The following HPSE2 variants were observed in gnomAD, a reference collection of about 807,000 sequenced individuals.
HPSE2 encodes the protein inactive heparanase-2.
A neutral mutation model predicts 60.5 loss-of-function variants in HPSE2; 38 were observed. The observed-to-expected ratio is 0.63, with a 90% CI of 0.48 to 0.82. The LOEUF (loss-of-function observed/expected upper bound fraction) is 0.82, where lower values mean the gene tolerates loss of function less well. Among genes scored for constraint, HPSE2 ranks in the 40% least tolerant of loss-of-function variants. The pLI, the probability that HPSE2 is intolerant of heterozygous loss-of-function variation, is 0.00. For synonymous variants in HPSE2, 295 were observed against 293.2 expected, an observed-to-expected ratio of 1.01 and a Z score of -0.06; for missense variants, 713 against 740.4, an observed-to-expected ratio of 0.96 and a Z score of 0.43.
rs1950931434 is a variant in HPSE2 at position 98,802,353 on chromosome 10, G to A, written c.611-58297C>T. Among the ~76,000 whole-genome samples the A allele has an allele frequency of 2.0e-5, 3 of 150,240 alleles. No individual in the cohort carries two copies. The South Asian group carries it at 6.3e-4, about 32-fold the overall frequency. On this transcript the variant is annotated intron_variant, in intron 3 of 11. Coordinates refer to ENST00000370552, the MANE Select transcript of HPSE2 (RefSeq NM_021828.5). ...TTATTATTGTACTTTAAGTTTTAGG[G>A]TACATGTGCACAATGTGCAGGTTAG...
At chr10:98,499,045 A>G (rs1247737346) in intron 9 of HPSE2, among the ~76,000 whole-genome samples, 2 of 152,240 alleles carry the variant, frequency 1.3e-5, no homozygotes, top group African/African-American at 4.8e-5. Context: ...TTCCTGAGGA[A>G]GAAGAGAAAT....
At chr10:98,692,768 C>CAAA (rs34656111) in intron 6 of HPSE2, among the ~76,000 whole-genome samples, 2 of 150,962 alleles carry the variant, frequency 1.3e-5, no homozygotes, top group Middle Eastern at 6.8e-3. Flanking sequence ...GACTCTGTCT[C>CAAA]AAACAAACAA....
the HPSE2 span, among the ~76,000 whole-genome samples, chr10:99,294,778 A>G: frequency 3.3e-5 from 5 of 152,046 alleles, no homozygotes; most frequent in East Asian, 1.9e-4. Context: ...TACTAAAAAT[A>G]CAAAAAAAAT....
At chr10:99,229,704 G>A (rs1849584759) in intron 2 of HPSE2, among the ~76,000 whole-genome samples, 2 of 152,128 alleles carry the variant, frequency 1.3e-5, no homozygotes, top group African/African-American at 4.8e-5. Flanking sequence ...GTATCATTCA[G>A]TTTCATAATG....
chr10:99,307,890 C>T, the HPSE2 span, among the ~76,000 whole-genome samples: 2 of 147,470 alleles, frequency 1.4e-5, no homozygotes, highest in Admixed American at 6.7e-5. Context: ...TGGGAAGAAA[C>T]AAAAACCTGA....
intron 3 of HPSE2, among the ~76,000 whole-genome samples, chr10:99,118,473 A>T (rs1392519472): frequency 6.7e-6 from 1 of 148,888 alleles, no homozygotes; most frequent in African/African-American, 2.5e-5. Context: ...CAGTGAGCTG[A>T]GATCACGCCA....
intron 3 of HPSE2, among the ~76,000 whole-genome samples, chr10:99,033,203 G>A (rs1292563977): frequency 1.3e-5 from 2 of 152,132 alleles, no homozygotes; most frequent in African/African-American, 4.8e-5. Context: ...AAAAGGTCTA[G>A]AAAGATATGT....
chr10:98,660,242 T>C (rs1300824424), intron 6 of HPSE2, among the ~76,000 whole-genome samples: 1 of 152,212 alleles, frequency 6.6e-6, no homozygotes, highest in Non-Finnish European at 1.5e-5. Flanking sequence ...TGCAAATTTA[T>C]TTTCTAAATT....
intron 5 of HPSE2, among the ~76,000 whole-genome samples, chr10:98,695,028 C>T (rs1014191175): frequency 6.6e-6 from 1 of 152,208 alleles, no homozygotes; most frequent in African/African-American, 2.4e-5. Flanking sequence ...TCTTGCAAGG[C>T]AGATGCATGT....
intron 3 of HPSE2, among the ~76,000 whole-genome samples, chr10:98,982,630 A>G (rs1956233987): frequency 6.6e-6 from 1 of 152,124 alleles, no homozygotes; most frequent in Non-Finnish European, 1.5e-5. Flanking sequence ...AGTCCCAAAT[A>G]AAGTTAATTT....
intron 3 of HPSE2, among the ~76,000 whole-genome samples, chr10:98,890,611 C>T (rs542151241): frequency 2.6e-5 from 4 of 152,026 alleles, no homozygotes; most frequent in South Asian, 4.2e-4. Flanking sequence ...TTAAATAATG[C>T]ATTGTAAAAC....
intron 10 of HPSE2, among the ~76,000 whole-genome samples, chr10:98,484,128 C>T (rs549930546): frequency 6.6e-6 from 1 of 152,036 alleles, no homozygotes; most frequent in East Asian, 1.9e-4. Flanking sequence ...TTTCATTTGC[C>T]ATTTCATTTC....
At chr10:98,856,223 C>T (rs1659770875) in intron 3 of HPSE2, among the ~76,000 whole-genome samples, 1 of 152,118 alleles carries the variant, frequency 6.6e-6, no homozygotes, top group Admixed American at 6.5e-5. Context: ...GAAAAACAAT[C>T]CCCTAACAAG....
chr10:98,822,171 T>C (rs1037275418), intron 3 of HPSE2, among the ~76,000 whole-genome samples: 1 of 152,154 alleles, frequency 6.6e-6, no homozygotes, highest in Non-Finnish European at 1.5e-5. Context: ...GGCTGCCAAA[T>C]AGTTACAACT....
At chr10:98,852,113 A>ATATATATGTG (rs779720749) in intron 3 of HPSE2, among the ~76,000 whole-genome samples, 964 of 91,768 alleles carry the variant, frequency 0.011, 12 homozygotes, top group African/African-American at 0.025. Context: ...GTATATTATG[A>ATATATATGTG]TGTGTGTGTG....
At chr10:99,164,192 G>A (rs1347563144) in intron 2 of HPSE2, among the ~76,000 whole-genome samples, 1 of 131,530 alleles carries the variant, frequency 7.6e-6, no homozygotes, top group Non-Finnish European at 1.6e-5. Context: ...AAGGAAGAGA[G>A]TTGTCTCTTC....
chr10:98,670,251 T>C (rs1947471745), intron 6 of HPSE2, among the ~76,000 whole-genome samples: 1 of 152,148 alleles, frequency 6.6e-6, no homozygotes, highest in African/African-American at 2.4e-5. Flanking sequence ...ATTAAGGATT[T>C]TGAGCAGAGG....
chr10:98,768,293 C>A (rs1370929005), intron 3 of HPSE2, among the ~76,000 whole-genome samples: 1 of 151,988 alleles, frequency 6.6e-6, no homozygotes, highest in African/African-American at 2.4e-5. Flanking sequence ...AAAAAAAGTT[C>A]AACACACTTA....
At chr10:99,296,923 C>T in the HPSE2 span, among the ~76,000 whole-genome samples, 2 of 152,074 alleles carry the variant, frequency 1.3e-5, no homozygotes, top group Non-Finnish European at 2.9e-5. Context: ...AGGCAATCAT[C>T]GATGGGAGGG....
Sources: allele counts gnomAD v4.1 joint callset (sites outside exome capture counted in the v4.1 genomes callset), GRCh38; gene constraint gnomAD v4.1.1; transcripts MANE v1.5; gene names NCBI Gene and HGNC (gene_info 2026-07-23, HGNC 2026-07-21).